CTNND2: variants seen among roughly 807,000 people sequenced by gnomAD.
The protein encoded by CTNND2 is catenin delta-2.
A neutral mutation model predicts 144.4 loss-of-function variants in CTNND2; 22 were observed. That is an observed-to-expected ratio of 0.15 (90% CI 0.11 to 0.22). The LOEUF is 0.22. CTNND2 is among the 10% of genes least tolerant of loss of function. CTNND2 has a pLI of 1.00. For synonymous variants in CTNND2, 751 were observed against 695.6 expected (o/e 1.08, Z -1.25); for missense variants, 1,353 against 1,618.8 (o/e 0.84, Z 2.82).
At chr5:11,694,178 G>C (rs866694432) in intron 2 of CTNND2, among the ~76,000 whole-genome samples, 1 of 152,278 alleles carries the variant, frequency 6.6e-6, no homozygotes, top group South Asian at 2.1e-4. Context: ...GCTCATGCCT[G>C]TAATCCCAGC....
intron 2 of CTNND2, among the ~76,000 whole-genome samples, chr5:11,566,874 C>T (rs1366460708): frequency 1.3e-5 from 2 of 152,152 alleles, no homozygotes; most frequent in Admixed American, 1.3e-4. Flanking sequence ...TCAGATTTTC[C>T]AAGACTCTTC....
At chr5:11,341,372 A>C (rs1454173946) in intron 9 of CTNND2, among the ~76,000 whole-genome samples, 1 of 152,244 alleles carries the variant, frequency 6.6e-6, no homozygotes, top group Non-Finnish European at 1.5e-5. Flanking sequence ...CTGTTGCTCA[A>C]GGCATTCAAG....
intron 1 of CTNND2, among the ~76,000 whole-genome samples, chr5:11,858,656 A>G (rs13172445): frequency 0.66 from 99,850 of 152,106 alleles, 33,256 homozygotes; most frequent in East Asian, 0.82. Context: ...CAGGCTGGGC[A>G]CGGTGGCTCA....
chr5:11,048,976 G>C (rs1745563760), intron 16 of CTNND2, among the ~76,000 whole-genome samples: 1 of 152,210 alleles, frequency 6.6e-6, no homozygotes, highest in African/African-American at 2.4e-5. Flanking sequence ...CTAGGTGCCA[G>C]TAGCACCCTC....
chr5:11,777,571 C>T (rs1211938492), intron 1 of CTNND2, among the ~76,000 whole-genome samples: 1 of 152,114 alleles, frequency 6.6e-6, no homozygotes, highest in East Asian at 1.9e-4. Flanking sequence ...AAGCACCACT[C>T]CTGAATCTTA....
intron 3 of CTNND2, among the ~76,000 whole-genome samples, chr5:11,542,545 T>C (rs548718427): frequency 6.6e-6 from 1 of 152,322 alleles, no homozygotes; most frequent in South Asian, 2.1e-4. Flanking sequence ...TAAAAATATG[T>C]TCCCATACAT....
chr5:11,068,406 A>T (rs1337514828), intron 16 of CTNND2, among the ~76,000 whole-genome samples: 1 of 152,228 alleles, frequency 6.6e-6, no homozygotes, highest in African/African-American at 2.4e-5. Context: ...TAAAGCATGT[A>T]GTTCTATTTT....
chr5:11,676,598 T>TA (rs747511362), intron 2 of CTNND2, among the ~76,000 whole-genome samples: 2,925 of 135,870 alleles, frequency 0.022, 30 homozygotes, highest in African/African-American at 0.032. Flanking sequence ...CGTAAAAAGT[T>TA]AAAAAAAAAA....
chr5:11,428,684 C>A (rs575399842), intron 3 of CTNND2, among the ~76,000 whole-genome samples: 4 of 152,272 alleles, frequency 2.6e-5, no homozygotes, highest in African/African-American at 9.6e-5. Context: ...AGGATTTCCT[C>A]TTAATATTCT....
chr5:11,069,789 C>T (rs971820456), intron 16 of CTNND2, among the ~76,000 whole-genome samples: 1 of 152,122 alleles, frequency 6.6e-6, no homozygotes, highest in Non-Finnish European at 1.5e-5. Flanking sequence ...ATAGAGAAAT[C>T]TTTGGAATCT....
chr5:11,137,074 G>C (rs1756229353), intron 12 of CTNND2, among the ~76,000 whole-genome samples: 1 of 152,208 alleles, frequency 6.6e-6, no homozygotes, highest in Admixed American at 6.5e-5. Flanking sequence ...CTAGTACAGT[G>C]TCTGGCATCA....
intron 8 of CTNND2, among the ~76,000 whole-genome samples, chr5:11,357,395 T>C (rs1756002583): frequency 6.6e-6 from 1 of 152,134 alleles, no homozygotes; most frequent in Non-Finnish European, 1.5e-5. Context: ...TGGATGAGCC[T>C]GGAGGTATCA....
At chr5:11,017,402 G>C (rs962731212) in intron 18 of CTNND2, among the ~76,000 whole-genome samples, 1 of 151,940 alleles carries the variant, frequency 6.6e-6, no homozygotes, top group Admixed American at 6.6e-5. Flanking sequence ...TGGGAGCACT[G>C]TCTTTTTCCT....
At chr5:11,773,003 AT>A (rs1790037699) in intron 1 of CTNND2, among the ~76,000 whole-genome samples, 1 of 152,218 alleles carries the variant, frequency 6.6e-6, no homozygotes, top group South Asian at 2.1e-4. Flanking sequence ...ATCATCCATT[AT>A]CAGACTGTCT....
rs1346554115 is a variant in CTNND2, at chr5:10,971,957, T to C, written c.*1496A>G. 1 of 152,680 alleles carries C rather than the reference T, an allele frequency of 6.5e-6. No homozygotes were observed. Among genetic ancestry groups the C allele is most frequent in the Admixed American group, 6.5e-5 (1 of 15,286 alleles). The allele number at this position is 152,680 out of a possible 1,614,324, so 9.5% of individuals were successfully genotyped here. A position where few individuals can be genotyped will look rare whatever the true frequency, so the allele number is the denominator to read the frequency against. On this transcript the variant is annotated 3_prime_UTR_variant, in exon 22 of 22. Transcript: ENST00000304623. ...AGTTTACCCGCGGCCCATGTTCTTT[T>C]CGATGGTTAGCCTTATTTCTTAGCT... is the stretch of plus-strand genomic sequence containing the variant.
intron 3 of CTNND2, among the ~76,000 whole-genome samples, chr5:11,417,527 C>CA (rs199984075): frequency 0.012 from 1,787 of 149,724 alleles, 24 homozygotes; most frequent in South Asian, 0.023. Flanking sequence ...TGGTGCACAG[C>CA]AAAAAAACAA....
At chr5:11,316,472 TTATTATTATTATTA>T (rs1561206942) in intron 9 of CTNND2, among the ~76,000 whole-genome samples, 4 of 88,474 alleles carry the variant, frequency 4.5e-5, no homozygotes, top group Admixed American at 1.1e-4. Context: ...CTATTTTTTA[TTATTATTATTATTA>T]TTATTATTAT....
intron 16 of CTNND2, among the ~76,000 whole-genome samples, chr5:11,054,130 C>T (rs1409821089): frequency 6.6e-6 from 1 of 152,112 alleles, no homozygotes; most frequent in Non-Finnish European, 1.5e-5. Flanking sequence ...CTCCAAGGAA[C>T]CGAAAGAAGC....
chr5:11,814,040 C>A (rs1792495598), intron 1 of CTNND2, among the ~76,000 whole-genome samples: 1 of 152,092 alleles, frequency 6.6e-6, no homozygotes, highest in Non-Finnish European at 1.5e-5. Context: ...ATGCTTTTTT[C>A]TTTAATGTGT....
Sources: gnomAD v4.1 joint callset for allele counts (sites outside exome capture counted in the v4.1 genomes callset) on GRCh38, gnomAD v4.1.1 for gene constraint, MANE v1.5 for transcripts, NCBI Gene and HGNC (gene_info 2026-07-23, HGNC 2026-07-21) for gene names.